The following PITPNM2 variants were observed in gnomAD, a reference collection of about 807,000 sequenced individuals.
The protein encoded by PITPNM2 is phosphatidylinositol transfer protein membrane associated 2.
PITPNM2 carries 35 observed loss-of-function variants against 132.2 expected under a neutral mutation model. That is an observed-to-expected ratio of 0.26 (90% CI 0.20 to 0.35). The LOEUF (loss-of-function observed/expected upper bound fraction) is 0.35. Among genes scored for constraint, PITPNM2 ranks in the 10% least tolerant of loss-of-function variants. PITPNM2 has a pLI of 1.00. For synonymous variants in PITPNM2, 738 were observed against 799.2 expected, an observed-to-expected ratio of 0.92 and a Z score of 1.29; for missense variants, 1,332 against 1,912.0, an observed-to-expected ratio of 0.70 and a Z score of 5.66.
At chr12:123,104,325 G>A (rs1322651163) in intron 2 of PITPNM2, among the ~76,000 whole-genome samples, 1 of 152,212 alleles carries the variant, frequency 6.6e-6, no homozygotes, top group Non-Finnish European at 1.5e-5. Flanking sequence ...CCCGAGCCAA[G>A]CCATCGCATC....
At position 123,012,703 on chromosome 12, in the gene PITPNM2, T is replaced by C. The variant is rs2039260325; in HGVS notation, c.325A>G (p.Ile109Val). The C allele has an allele frequency of 6.2e-7, 1 of 1,614,154 alleles. No individual in the cohort carries two copies. The highest frequency in any genetic ancestry group is 2.2e-5 in the East Asian group (1 of 44,884). Residue 109 changes from isoleucine to valine, a missense_variant, in exon 5 of 26, where the codon ATC (isoleucine) becomes GTC (valine). Around this residue, in one of 6 missense-constraint regions of PITPNM2, gnomAD observed 122 missense variants for 209.6 expected, o/e 0.58. Coordinates refer to ENST00000320201, the MANE Select transcript of PITPNM2 (RefSeq NM_020845.3). The part of the protein sequence containing the change: ...FTCPFVEKFS[I>V]DIETFYKTDA... ...GTTTTATAAAAGGTTTCAATGTCGA[T>C]GGAGAATTTCTCCACGAAAGGACAG...
intron 2 of PITPNM2, among the ~76,000 whole-genome samples, chr12:123,050,477 C>A (rs2040821970): frequency 6.6e-6 from 1 of 152,162 alleles, no homozygotes; most frequent in South Asian, 2.1e-4. Flanking sequence ...GGCTGTGACC[C>A]AGGACTGATC....
Position 122,994,251 on chromosome 12 carries a change from T to G in PITPNM2, c.2233+550A>C, listed in dbSNP as rs2038322644. On this transcript the variant is annotated intron_variant, in intron 15 of 25. Coordinates refer to ENST00000320201, the MANE Select transcript of PITPNM2 (RefSeq NM_020845.3). The surrounding 1 kb of genome is among the most constrained non-coding windows in gnomAD (Gnocchi z 5.4). ...AGTTTCCCCCTCTGTCATCTGGGAG[T>G]GTAACATGTGTTGCTACTCTCAGGA... 6.6e-6 allele frequency among the ~76,000 whole-genome samples: 1 copy of G among 152,250 alleles called. No homozygotes were observed. Among genetic ancestry groups the G allele is most frequent in the East Asian group, 1.9e-4 (1 of 5,184 alleles).
At chr12:123,127,934 T>C (rs1056762067) in intron 1 of PITPNM2, among the ~76,000 whole-genome samples, 1 of 152,072 alleles carries the variant, frequency 6.6e-6, no homozygotes, top group Non-Finnish European at 1.5e-5. Context: ...GCCTGTTGCA[T>C]TGGCTTGAAT....
In PITPNM2 at chr12:123,108,105, G is replaced by A. The variant is rs557974554; in HGVS notation, c.-96+2280C>T. ...TGGAACTGCATAAGCAAAGCGCAGA[G>A]AATGTACCAGCATATAAACTAGACG... On this transcript the variant is annotated intron_variant, in intron 2 of 25. Coordinates refer to ENST00000320201, the MANE Select transcript of PITPNM2 (RefSeq NM_020845.3). The surrounding 1 kb of genome is among the most constrained non-coding windows in gnomAD (Gnocchi z 4.4). 3.1e-4 allele frequency among the ~76,000 whole-genome samples: 47 copies of A among 152,364 alleles called. No individual in the cohort carries two copies. The highest frequency in any genetic ancestry group is 8.3e-4 in the South Asian group (4 of 4,828).
chr12:123,132,230 C>G (rs1483110648), intron 1 of PITPNM2, among the ~76,000 whole-genome samples: 1 of 152,236 alleles, frequency 6.6e-6, no homozygotes, highest in Non-Finnish European at 1.5e-5. Context: ...ACAAGCGTTG[C>G]AGAGACAGAT....
At chr12:123,012,799 C>A (rs537291666) in intron 4 of PITPNM2, 65 bp from the exon 5 acceptor site, 45 of 1,583,742 alleles carry the variant, frequency 2.8e-5, no homozygotes, top group Middle Eastern at 3.6e-4. Flanking sequence ...CTGGCCAGGG[C>A]CTGTTGACCC....
chr12:123,109,108 G>A (rs1023722648), intron 2 of PITPNM2, among the ~76,000 whole-genome samples: 3 of 152,166 alleles, frequency 2.0e-5, no homozygotes, highest in Admixed American at 6.5e-5. Flanking sequence ...ATGCAGCAGG[G>A]GCTGGGTACA....
intron 2 of PITPNM2, among the ~76,000 whole-genome samples, chr12:123,062,765 G>C (rs1160261901): frequency 6.6e-6 from 1 of 152,178 alleles, no homozygotes; most frequent in Non-Finnish European, 1.5e-5. Context: ...TTACAAAAAA[G>C]TGTCTGGTTT....
At position 123,058,520 on chromosome 12, in the gene PITPNM2, C is replaced by G. The variant is rs2041119760; in HGVS notation, c.-95-23835G>C. On this transcript the variant is annotated intron_variant, in intron 2 of 25. Transcript: ENST00000320201. The surrounding 1 kb of genome is among the most constrained non-coding windows in gnomAD (Gnocchi z 4.0). ...GAATGTCACTGGAAGCCATCATGCC[C>G]CACCCACAGCCTCTCCAGGGCCTCT... 6.6e-6 allele frequency among the ~76,000 whole-genome samples: 1 copy of G among 152,212 alleles called. No homozygotes were observed. Among genetic ancestry groups the G allele is most frequent in the African/African-American group, 2.4e-5 (1 of 41,448 alleles).
Position 123,083,214 on chromosome 12 carries a change from ACTCT to A in PITPNM2, c.-96+27167_-96+27170del, listed in dbSNP as rs2042016047. 1 of 152,286 alleles carries A rather than the reference ACTCT, an allele frequency of 6.6e-6. No homozygotes were observed. The highest frequency in any genetic ancestry group is 1.5e-5 in the Non-Finnish European group (1 of 68,014). 9.4% of individuals were successfully genotyped at this position (152,286 alleles called of 1,614,324 possible). A position where few individuals can be genotyped will look rare whatever the true frequency, so the allele number is the denominator to read the frequency against. On this transcript the variant is annotated intron_variant, in intron 2 of 25. Transcript: ENST00000320201. The surrounding 1 kb of genome is among the most constrained non-coding windows in gnomAD (Gnocchi z 4.5). ...CTAAAAAAAAACAAAAAAGTTTTTA[ACTCT>A]CTGTCTCTCCTACTAGAATGGAGTC...
At chr12:123,057,147 G>A (rs758367049) in intron 2 of PITPNM2, among the ~76,000 whole-genome samples, 2 of 152,114 alleles carry the variant, frequency 1.3e-5, no homozygotes, top group African/African-American at 4.8e-5. Context: ...TTGAGAGGCC[G>A]AGGCGGGTGG....
intron 1 of PITPNM2, among the ~76,000 whole-genome samples, chr12:123,132,696 G>C (rs2043294506): frequency 6.6e-6 from 1 of 151,420 alleles, no homozygotes; most frequent in East Asian, 1.9e-4. Flanking sequence ...CCCAACCCCT[G>C]ATAAACACTA....
intron 1 of PITPNM2, among the ~76,000 whole-genome samples, chr12:123,124,924 C>T (rs1160720213): frequency 6.6e-6 from 1 of 152,120 alleles, no homozygotes; most frequent in Non-Finnish European, 1.5e-5. Flanking sequence ...ATGTCTGGTG[C>T]ACTATCATGC....
At position 122,986,422 on chromosome 12, in the gene PITPNM2, A is replaced by G. The variant is rs376881955; in HGVS notation, c.3726+14T>C. On this transcript the variant is annotated intron_variant, in intron 25 of 25. Coordinates refer to ENST00000320201, the MANE Select transcript of PITPNM2 (RefSeq NM_020845.3). ...CTGCCCGCCTGCACCCGCCCCCACA[A>G]TGCGCCCACTCACCTGGCACTGCTG... 7.1e-5 allele frequency: 112 copies of G among 1,567,032 alleles called. No homozygotes were observed. The highest frequency in any genetic ancestry group is 3.3e-4 in the Middle Eastern group (2 of 6,002).
At chr12:123,124,590 T>C (rs2043100802) in intron 1 of PITPNM2, among the ~76,000 whole-genome samples, 1 of 152,200 alleles carries the variant, frequency 6.6e-6, no homozygotes, top group Non-Finnish European at 1.5e-5. Context: ...ATTATTATTA[T>C]ACTTTAAGTT....
intron 2 of PITPNM2, among the ~76,000 whole-genome samples, chr12:123,059,988 G>A (rs768608334): frequency 1.3e-5 from 2 of 152,110 alleles, no homozygotes; most frequent in African/African-American, 2.4e-5. Context: ...AAAAAGAAAC[G>A]AGGAAAGAAA....
chr12:122,995,767 C>T, intron 13 of PITPNM2, 107 bp from the exon 14 acceptor site: 1 of 1,409,596 alleles, frequency 7.1e-7, no homozygotes, highest in East Asian at 2.5e-5. Context: ...CAAGCGGCCA[C>T]TGTCCAGCCG....
intron 1 of PITPNM2, among the ~76,000 whole-genome samples, chr12:123,125,856 A>ACCCT (rs2043126566): frequency 7.4e-6 from 1 of 135,252 alleles, no homozygotes; most frequent in South Asian, 2.3e-4. Context: ...AAAAAAAAAA[A>ACCCT]AATTAGGGTT....
Sources: gnomAD v4.1 joint callset for allele counts (sites outside exome capture counted in the v4.1 genomes callset) on GRCh38, gnomAD v4.1.1 for gene constraint, gnomAD v4.1.1 regional missense constraint, Gnocchi (gnomAD v3.1) non-coding constraint, MANE v1.5 for transcripts, NCBI Gene and HGNC (gene_info 2026-07-23, HGNC 2026-07-21) for gene names.